Variants in HPSE2 observed in about 807,000 individuals in gnomAD.
HPSE2 encodes the protein heparanase 2 (inactive), also known as inactive heparanase-2.
In HPSE2, 38 loss-of-function variants were observed where a neutral mutation model predicts 60.5. That is an observed-to-expected ratio of 0.63 (90% CI 0.48 to 0.82). The LOEUF (loss-of-function observed/expected upper bound fraction) is 0.82. Among genes scored for constraint, HPSE2 ranks in the 40% least tolerant of loss-of-function variants. The pLI is 0.00. For synonymous variants in HPSE2, 295 were observed against 293.2 expected, an observed-to-expected ratio of 1.01 and a Z score of -0.06; for missense variants, 713 against 740.4, an observed-to-expected ratio of 0.96 and a Z score of 0.43.
intron 2 of HPSE2, among the ~76,000 whole-genome samples, chr10:99,173,772 G>A (rs772760190): frequency 1.4e-4 from 22 of 151,730 alleles, no homozygotes; most frequent in Non-Finnish European, 2.8e-4. Flanking sequence ...GGCGAAACCC[G>A]TCTCTACTAA....
the HPSE2 span, among the ~76,000 whole-genome samples, chr10:99,256,836 G>C: frequency 6.6e-6 from 1 of 152,070 alleles, no homozygotes; most frequent in Admixed American, 6.5e-5. Flanking sequence ...AGCAGATCAC[G>C]AGGTCAAGAG....
intron 2 of HPSE2, among the ~76,000 whole-genome samples, chr10:99,180,889 CAAAAAAAAAAAAAAAAAA>C (rs68033581): frequency 0.012 from 365 of 29,734 alleles, 12 homozygotes; most frequent in African/African-American, 0.074. Context: ...GACTCCATCT[CAAAAAAAAAAAAAAAAAA>C]AAAAAAAAAA....
At chr10:99,143,882 T>C (rs930511307) in intron 3 of HPSE2, among the ~76,000 whole-genome samples, 2 of 152,168 alleles carry the variant, frequency 1.3e-5, no homozygotes, top group Non-Finnish European at 2.9e-5. Flanking sequence ...ATTTCATCTT[T>C]ATATTCACTG....
chr10:98,767,104 G>T (rs1950136798), intron 3 of HPSE2, among the ~76,000 whole-genome samples: 1 of 152,090 alleles, frequency 6.6e-6, no homozygotes, highest in Non-Finnish European at 1.5e-5. Flanking sequence ...TCTTTAGTTT[G>T]ATAAATGGCA....
intron 2 of HPSE2, among the ~76,000 whole-genome samples, chr10:99,231,322 A>T (rs772402319): frequency 2.6e-5 from 4 of 152,326 alleles, no homozygotes; most frequent in Admixed American, 2.0e-4. Flanking sequence ...TGAGCCCTTT[A>T]CATATAAAAC....
the HPSE2 span, among the ~76,000 whole-genome samples, chr10:99,282,302 T>C: frequency 1.3e-5 from 2 of 152,082 alleles, no homozygotes; most frequent in Non-Finnish European, 2.9e-5. Context: ...TAAGATATTG[T>C]ATGTTGAAAA....
intron 11 of HPSE2, among the ~76,000 whole-genome samples, chr10:98,476,179 T>G (rs527331146): frequency 2.0e-5 from 3 of 151,214 alleles, no homozygotes; most frequent in South Asian, 4.2e-4. Context: ...TGTAGGGACA[T>G]GGATGAAATT....
intron 6 of HPSE2, among the ~76,000 whole-genome samples, chr10:98,665,753 C>T (rs1287310127): frequency 6.6e-6 from 1 of 152,142 alleles, no homozygotes; most frequent in Non-Finnish European, 1.5e-5. Context: ...TTGGTTATTA[C>T]CAGACCAGCC....
At chr10:98,697,756 G>A in intron 5 of HPSE2, among the ~76,000 whole-genome samples, 1 of 152,268 alleles carries the variant, frequency 6.6e-6, no homozygotes, top group East Asian at 1.9e-4. Context: ...GGCAGCCAGA[G>A]AGAAAGGCCA....
At chr10:98,460,028 G>C (rs1487980580) in intron 11 of HPSE2, among the ~76,000 whole-genome samples, 2 of 151,944 alleles carry the variant, frequency 1.3e-5, no homozygotes, top group Non-Finnish European at 2.9e-5. Context: ...TGGAGGTCCA[G>C]GGTTTGAACC....
chr10:99,179,873 A>G (rs1445049419), intron 2 of HPSE2, among the ~76,000 whole-genome samples: 2 of 152,212 alleles, frequency 1.3e-5, no homozygotes, highest in South Asian at 2.1e-4. Context: ...ACTGAAAGCC[A>G]CAGTAACCAA....
At chr10:99,162,490 T>C (rs1188187350) in intron 2 of HPSE2, among the ~76,000 whole-genome samples, 1 of 152,174 alleles carries the variant, frequency 6.6e-6, no homozygotes, top group Non-Finnish European at 1.5e-5. Context: ...CTAAAACTAG[T>C]GCCACTCCCT....
intron 9 of HPSE2, among the ~76,000 whole-genome samples, chr10:98,582,392 T>G (rs996087240): frequency 6.6e-6 from 1 of 152,222 alleles, no homozygotes; most frequent in Non-Finnish European, 1.5e-5. Flanking sequence ...AAAATAATAC[T>G]ATTACAGATT....
intron 3 of HPSE2, among the ~76,000 whole-genome samples, chr10:98,835,715 T>C (rs987039221): frequency 2.6e-5 from 4 of 152,214 alleles, no homozygotes; most frequent in Non-Finnish European, 5.9e-5. Flanking sequence ...TTGGATGTGT[T>C]ACAGCTTGAA....
At chr10:98,980,977 C>T (rs1956193066) in intron 3 of HPSE2, among the ~76,000 whole-genome samples, 1 of 152,050 alleles carries the variant, frequency 6.6e-6, no homozygotes, top group African/African-American at 2.4e-5. Flanking sequence ...AAGAATCTTT[C>T]TAAATTCTCA....
intron 9 of HPSE2, among the ~76,000 whole-genome samples, chr10:98,589,593 A>G (rs886427384): frequency 6.6e-6 from 1 of 152,164 alleles, no homozygotes; most frequent in Non-Finnish European, 1.5e-5. Flanking sequence ...CCTCTCATAC[A>G]TGACAGCCTT....
At chr10:98,848,994 G>A (rs1002989845) in intron 3 of HPSE2, among the ~76,000 whole-genome samples, 1 of 150,192 alleles carries the variant, frequency 6.7e-6, no homozygotes, top group Non-Finnish European at 1.5e-5. Flanking sequence ...CAATTCCAAC[G>A]CCCACAGTCG....
intron 3 of HPSE2, among the ~76,000 whole-genome samples, chr10:99,085,802 G>C (rs532712757): frequency 6.6e-5 from 10 of 152,216 alleles, no homozygotes; most frequent in African/African-American, 2.4e-4. Flanking sequence ...AAGGTCAAAG[G>C]TTGGCCTCAA....
chr10:98,504,098 C>T (rs965014804), intron 9 of HPSE2, among the ~76,000 whole-genome samples: 2 of 152,050 alleles, frequency 1.3e-5, no homozygotes, highest in African/African-American at 2.4e-5. Flanking sequence ...GCTTTGAATT[C>T]GTATTTCTTT....
Sources: gnomAD v4.1 joint callset for allele counts (sites outside exome capture counted in the v4.1 genomes callset) on GRCh38, gnomAD v4.1.1 for gene constraint, MANE v1.5 for transcripts, NCBI Gene and HGNC (gene_info 2026-07-23, HGNC 2026-07-21) for gene names.